Variants in STEAP3 observed in about 807,000 individuals in gnomAD.
STEAP3 encodes STEAP3 metalloreductase, also known as metalloreductase STEAP3.
A neutral mutation model predicts 34.9 loss-of-function variants in STEAP3; 35 were observed. That is an observed-to-expected ratio of 1.00 (90% CI 0.76 to 1.33). The LOEUF (loss-of-function observed/expected upper bound fraction) is 1.33. STEAP3 is among the 40% of genes most tolerant of loss of function. The probability of loss-of-function intolerance (pLI) is 0.00; values close to 1 mark genes in which losing one functional copy is unlikely to be tolerated. For missense variants in STEAP3, 652 were observed against 667.6 expected, an observed-to-expected ratio of 0.98 and a Z score of 0.26; for synonymous variants, 281 against 301.6, an observed-to-expected ratio of 0.93 and a Z score of 0.71.
chr2:119,257,235 A>G (rs1414913840), intron 5 of STEAP3, among the ~76,000 whole-genome samples: 3 of 152,240 alleles, frequency 2.0e-5, no homozygotes, highest in Non-Finnish European at 4.4e-5. Context: ...TGGAATTGCT[A>G]GTTTTATTTG....
chr2:119,245,035 C>T (rs140690639), intron 2 of STEAP3: 1 of 166,284 alleles, frequency 6.0e-6, no homozygotes, highest in African/African-American at 2.4e-5. Context: ...AAAATGTAGA[C>T]AAGCATAGGG....
chr2:119,254,362 G>A (rs1334845627), intron 4 of STEAP3, among the ~76,000 whole-genome samples: 1 of 152,084 alleles, frequency 6.6e-6, no homozygotes, highest in Non-Finnish European at 1.5e-5. Flanking sequence ...AAAGCCCCAG[G>A]AGCCCCGGTC....
At position 119,245,684 on chromosome 2, in the gene STEAP3, G is replaced by T; in HGVS notation, c.218G>T (p.Arg73Leu). 1 of 1,613,720 alleles carries T rather than the reference G, an allele frequency of 6.2e-7. No homozygotes were observed. Among genetic ancestry groups the T allele is most frequent in the Non-Finnish European group, 8.5e-7 (1 of 1,179,676 alleles). The change falls in exon 3 of 6, where the codon CGC becomes CTC. Residue 73 changes from arginine to leucine, a missense_variant. Coordinates refer to ENST00000393110, the MANE Select transcript of STEAP3 (RefSeq NM_182915.3). ...GTGGTGGGGAGCCGCAACCCCAAAC[G>T]CACAGCCAGGCTGTTTCCCTCAGCG... ...KVVVGSRNPK[R>L]TARLFPSAAQ...
intron 4 of STEAP3, among the ~76,000 whole-genome samples, chr2:119,249,516 G>C (rs1677558620): frequency 6.6e-6 from 1 of 152,160 alleles, no homozygotes; most frequent in Non-Finnish European, 1.5e-5. Flanking sequence ...GTGCTGGTGA[G>C]ACACTTCTCA....
At chr2:119,243,615 C>A (rs1403148039) in intron 2 of STEAP3, among the ~76,000 whole-genome samples, 1 of 152,192 alleles carries the variant, frequency 6.6e-6, no homozygotes, top group African/African-American at 2.4e-5. Context: ...GGTAGGCATC[C>A]ATTAATAGGA....
In STEAP3 at chr2:119,248,016, C is replaced by T. The variant is rs140581945; in HGVS notation, c.860C>T (p.Ala287Val). The change falls in exon 4 of 6, where the codon GCG (alanine) becomes GTG (valine). Residue 287 changes from alanine (A) to valine (V), a missense_variant. Coordinates refer to ENST00000393110, the MANE Select transcript of STEAP3 (RefSeq NM_182915.3). ...CTCGTGTACTTGCCCGGCGTGCTGG[C>T]GGCTGCCCTGCAGCTGCGGCGCGGC... ...LSLVYLPGVL[A>V]AALQLRRGTK... The T allele has an allele frequency of 6.0e-5, 96 of 1,610,648 alleles. No individual in the cohort carries two copies. The East Asian group carries it at 6.2e-4, about 10-fold the overall frequency.
rs919662006 is a variant in STEAP3, at chr2:119,227,136, C to T, written c.-394+3248C>T. Among the ~76,000 whole-genome samples, 8 of 152,172 alleles carry T rather than the reference C, an allele frequency of 5.3e-5. 1 individual carries two copies. In the East Asian group the frequency reaches 9.6e-4, roughly 18 times the overall value. Reference sequence around the variant, plus strand: ...AACACCCGTGCCCTCTGCGTACTTGCGAATCTGAGTGAGGAGACACGGTGG... The same window carrying T: ...AACACCCGTGCCCTCTGCGTACTTGTGAATCTGAGTGAGGAGACACGGTGG... On this transcript the variant is annotated intron_variant, in intron 1 of 5. Coordinates refer to ENST00000393110, the MANE Select transcript of STEAP3 (RefSeq NM_182915.3).
rs1421866644 is a variant in STEAP3, at chr2:119,264,259, G to A, written c.*921G>A. ...ACCCTTTAGAAATCAGCCCAAGGGGGAGAGCAAGAGAAAACACTCTAGGGA... is the reference window on the plus strand; with the variant it reads ...ACCCTTTAGAAATCAGCCCAAGGGGAAGAGCAAGAGAAAACACTCTAGGGA... On this transcript the variant is annotated 3_prime_UTR_variant, in exon 6 of 6. Transcript: ENST00000393110. 1 of 152,676 alleles carries A rather than the reference G, an allele frequency of 6.5e-6. No individual in the cohort carries two copies. Among genetic ancestry groups the A allele is most frequent in the Non-Finnish European group, 1.5e-5 (1 of 68,090 alleles). 9.5% of individuals were successfully genotyped at this position (152,676 alleles called of 1,614,324 possible).
chr2:119,235,313 C>G (rs1677062737), intron 2 of STEAP3, among the ~76,000 whole-genome samples: 1 of 152,200 alleles, frequency 6.6e-6, no homozygotes, highest in South Asian at 2.1e-4. Context: ...CCCTCAAGAT[C>G]TAGAGGAGCT....
At position 119,248,261 on chromosome 2, in the gene STEAP3, A is replaced by T; in HGVS notation, c.1050+55A>T. 3 of 1,395,126 alleles carry T rather than the reference A, an allele frequency of 2.2e-6. No homozygotes were observed. The African/African-American group carries it at 4.7e-5, about 22-fold the overall frequency. 86.4% of individuals were successfully genotyped at this position (1,395,126 alleles called of 1,614,324 possible). On this transcript the variant is annotated intron_variant, in intron 4 of 5. Coordinates refer to ENST00000393110, the MANE Select transcript of STEAP3 (RefSeq NM_182915.3). ...GCAACTCAGCACATGCTTGTCCAGCACCTCCCCCCCCCACCAACCAGGTGC... is the reference window on the plus strand; with the variant it reads ...GCAACTCAGCACATGCTTGTCCAGCTCCTCCCCCCCCCACCAACCAGGTGC...
Position 119,263,146 on chromosome 2 carries a change from G to A in STEAP3, c.1305G>A (p.Lys435=). The part of the protein sequence containing the change: ...WTRAFEESRY[K]FYLPPTFTLT... ...GCGCCTTCGAGGAGAGCCGCTACAA[G>A]TTCTACCTGCCTCCCACCTTCACGC... The change falls in exon 6 of 6, where the codon AAG becomes AAA. Residue 435 remains lysine (K), a synonymous_variant. Coordinates refer to ENST00000393110, the MANE Select transcript of STEAP3 (RefSeq NM_182915.3). 2.5e-6 allele frequency: 4 copies of A among 1,614,038 alleles called. No individual in the cohort carries two copies. The highest frequency in any genetic ancestry group is 3.4e-6 in the Non-Finnish European group (4 of 1,180,048).
At chr2:119,233,067 G>A (rs1299338003) in intron 2 of STEAP3, among the ~76,000 whole-genome samples, 2 of 152,218 alleles carry the variant, frequency 1.3e-5, no homozygotes, top group Non-Finnish European at 2.9e-5. Flanking sequence ...AGGTTTGGAA[G>A]GGCCAAGGAG....
In STEAP3 at chr2:119,230,804, C is replaced by G. The variant is rs1330812860; in HGVS notation, c.-209C>G. ...CCAACCAAGCATCAGTCACCACTCC[C>G]GGTCCAGCCCCTGTGGCCAAGAGCT... On this transcript the variant is annotated 5_prime_UTR_variant, in exon 2 of 6. Coordinates refer to ENST00000393110, the MANE Select transcript of STEAP3 (RefSeq NM_182915.3). 3.1e-6 allele frequency: 2 copies of G among 642,422 alleles called. No individual in the cohort carries two copies. The highest frequency in any genetic ancestry group is 3.5e-5 in the South Asian group (2 of 56,586). The allele number at this position is 642,422 out of a possible 1,614,324, so 39.8% of individuals were successfully genotyped here.
chr2:119,258,902 G>T (rs539812718), intron 5 of STEAP3, among the ~76,000 whole-genome samples: 1 of 144,540 alleles, frequency 6.9e-6, no homozygotes, highest in Non-Finnish European at 1.5e-5. Context: ...GATTATAGGC[G>T]TGAGCCACCG....
intron 3 of STEAP3, chr2:119,246,577 G>A (rs915863453): frequency 6.4e-6 from 1 of 155,516 alleles, no homozygotes; most frequent in Admixed American, 6.2e-5. Context: ...GCATTTTCTT[G>A]GCGAAAGAAT....
chr2:119,252,826 C>A (rs536013382), intron 4 of STEAP3, among the ~76,000 whole-genome samples: 14 of 152,182 alleles, frequency 9.2e-5, no homozygotes, highest in Non-Finnish European at 1.5e-4. Flanking sequence ...CCCTTCCCAG[C>A]GTCACTGCAG....
intron 4 of STEAP3, 188 bp downstream of exon 4, chr2:119,248,394 G>A (rs1205479828): frequency 2.0e-5 from 14 of 689,294 alleles, no homozygotes; most frequent in African/African-American, 3.6e-5. Flanking sequence ...AGTGAACAAA[G>A]CAGATGAAAA....
intron 2 of STEAP3, among the ~76,000 whole-genome samples, chr2:119,241,081 CAT>C (rs1491409935): frequency 6.6e-6 from 1 of 151,820 alleles, no homozygotes; most frequent in Non-Finnish European, 1.5e-5. Context: ...CACACACACA[CAT>C]GCATACAAGA....
At chr2:119,236,058 G>A (rs1295232330) in intron 2 of STEAP3, among the ~76,000 whole-genome samples, 1 of 152,188 alleles carries the variant, frequency 6.6e-6, no homozygotes, top group Non-Finnish European at 1.5e-5. Context: ...TTGTCTTGGG[G>A]AGAAATGGGC....
Sources: gnomAD v4.1 joint callset for allele counts (sites outside exome capture counted in the v4.1 genomes callset) on GRCh38, gnomAD v4.1.1 for gene constraint, MANE v1.5 for transcripts, NCBI Gene and HGNC (gene_info 2026-07-23, HGNC 2026-07-21) for gene names.